DOCK2: variants seen among roughly 807,000 people sequenced by gnomAD.
DOCK2 encodes dedicator of cytokinesis protein 2.
A neutral mutation model predicts 248.9 loss-of-function variants in DOCK2; 87 were observed. The observed-to-expected ratio is 0.35, with a 90% CI of 0.29 to 0.42. The LOEUF is 0.42. Ranked by LOEUF, DOCK2 falls within the 10% of genes least tolerant of loss-of-function variation. The pLI, the probability that DOCK2 is intolerant of heterozygous loss-of-function variation, is 1.00. For synonymous variants in DOCK2, 805 were observed against 821.6 expected (o/e 0.98, Z 0.35); for missense variants, 1,747 against 2,300.2 (o/e 0.76, Z 4.92).
At chr5:169,721,017 C>T (rs1762170963) in intron 22 of DOCK2, among the ~76,000 whole-genome samples, 2 of 152,202 alleles carry the variant, frequency 1.3e-5, no homozygotes, top group Admixed American at 1.3e-4. Context: ...CCACTGCGCC[C>T]AGCCAGTATA....
chr5:169,676,986 G>A (rs964045040), intron 6 of DOCK2, among the ~76,000 whole-genome samples: 25 of 152,180 alleles, frequency 1.6e-4, no homozygotes, highest in African/African-American at 6.0e-4. Context: ...TTAACTCTGT[G>A]AAGTATCAAA....
At chr5:169,815,094 T>G (rs1038313760) in intron 26 of DOCK2, among the ~76,000 whole-genome samples, 2 of 152,194 alleles carry the variant, frequency 1.3e-5, no homozygotes, top group Non-Finnish European at 2.9e-5. Context: ...CAGCCTATAG[T>G]ATTTCACGTG....
intron 27 of DOCK2, among the ~76,000 whole-genome samples, chr5:169,872,876 C>T (rs1443168940): frequency 3.3e-5 from 5 of 152,200 alleles, no homozygotes; most frequent in Admixed American, 3.3e-4. Context: ...AATGTTAATC[C>T]TATCCACATT....
intron 26 of DOCK2, among the ~76,000 whole-genome samples, chr5:169,803,540 A>C (rs1383130902): frequency 6.6e-6 from 1 of 152,204 alleles, no homozygotes; most frequent in Non-Finnish European, 1.5e-5. Context: ...TCCTATGCCT[A>C]GACAGCAAGA....
chr5:169,654,096 ATGTAACATTTTAACTGCCTGG>A (rs1438347623), intron 1 of DOCK2, among the ~76,000 whole-genome samples: 1 of 152,244 alleles, frequency 6.6e-6, no homozygotes, highest in Non-Finnish European at 1.5e-5. Context: ...ATAACAAATG[ATGTAACATTTTAACTGCCTGG>A]TGTACAGTAA....
intron 14 of DOCK2, chr5:169,703,864 A>G (rs530355996): frequency 5.9e-5 from 9 of 152,310 alleles, no homozygotes; most frequent in East Asian, 3.9e-4. Context: ...CTTTTATCCA[A>G]CTTCCCTGGT....
intron 27 of DOCK2, among the ~76,000 whole-genome samples, chr5:169,849,526 C>A (rs1478559357): frequency 1.3e-5 from 2 of 152,192 alleles, no homozygotes; most frequent in Non-Finnish European, 2.9e-5. Flanking sequence ...AATGAGATCA[C>A]CTATGTGGCA....
intron 49 of DOCK2, 104 bp from the exon 50 acceptor site, chr5:170,080,059 A>T: frequency 6.4e-7 from 1 of 1,554,032 alleles, no homozygotes; most frequent in Non-Finnish European, 8.7e-7. Flanking sequence ...GCTTCATAGA[A>T]ACCATGCCAC....
chr5:169,902,814 G>A (rs1359293385), intron 27 of DOCK2, among the ~76,000 whole-genome samples: 2 of 152,180 alleles, frequency 1.3e-5, no homozygotes, highest in East Asian at 1.9e-4. Context: ...AAAGAAAGGG[G>A]TGAGGCCAGG....
Position 170,032,441 on chromosome 5 carries a change from A to G in DOCK2, c.3468-1958A>G, listed in dbSNP as rs539717464. On this transcript the variant is annotated intron_variant, in intron 34 of 51. Coordinates refer to ENST00000520908, the MANE Select transcript of DOCK2 (RefSeq NM_004946.3). Reference sequence around the variant, plus strand: ...CTAAGGTTATTGACCTAAGTTGAGCATTGGGCTTTGTAAAAGCTCCCCTGG... The same window carrying G: ...CTAAGGTTATTGACCTAAGTTGAGCGTTGGGCTTTGTAAAAGCTCCCCTGG... Among the ~76,000 whole-genome samples, 8 of 152,148 alleles carry G rather than the reference A, an allele frequency of 5.3e-5. No individual in the cohort carries two copies. The South Asian group carries it at 1.5e-3, about 28-fold the overall frequency.
intron 21 of DOCK2, among the ~76,000 whole-genome samples, chr5:169,718,260 A>G (rs1199811688): frequency 6.6e-6 from 1 of 152,166 alleles, no homozygotes; most frequent in Non-Finnish European, 1.5e-5. Context: ...CCCTATGGTA[A>G]AGAAGAAACA....
intron 27 of DOCK2, among the ~76,000 whole-genome samples, chr5:169,963,783 C>T (rs1288606763): frequency 1.3e-5 from 2 of 152,178 alleles, no homozygotes; most frequent in Non-Finnish European, 2.9e-5. Flanking sequence ...TACAGATGCT[C>T]TCTAAGGCCC....
chr5:169,994,141 A>T (rs1007950299), intron 29 of DOCK2, among the ~76,000 whole-genome samples: 1 of 152,214 alleles, frequency 6.6e-6, no homozygotes, highest in Admixed American at 6.5e-5. Context: ...TAAGCTTGAG[A>T]TGCCTAAAAG....
At chr5:169,660,539 AC>A (rs1758387322) in intron 2 of DOCK2, among the ~76,000 whole-genome samples, 1 of 152,178 alleles carries the variant, frequency 6.6e-6, no homozygotes, top group Admixed American at 6.5e-5. Context: ...CATATCTATT[AC>A]CACATTGTTG....
chr5:170,052,998 G>A (rs534678951), intron 41 of DOCK2, among the ~76,000 whole-genome samples: 1 of 152,298 alleles, frequency 6.6e-6, no homozygotes, highest in South Asian at 2.1e-4. Flanking sequence ...AGTCTGAGAG[G>A]GTGACAGATC....
intron 27 of DOCK2, among the ~76,000 whole-genome samples, chr5:169,940,381 A>G (rs1427712681): frequency 2.6e-5 from 4 of 152,192 alleles, no homozygotes; most frequent in African/African-American, 7.2e-5. Flanking sequence ...ATGGTCTCCA[A>G]CCTTTTTGGC....
chr5:169,658,979 G>A (rs1758288083), intron 2 of DOCK2, among the ~76,000 whole-genome samples: 1 of 134,428 alleles, frequency 7.4e-6, no homozygotes, highest in Non-Finnish European at 1.6e-5. Context: ...CTACAAGACT[G>A]CATTATTATT....
chr5:169,981,864 G>A (rs1395510420), intron 27 of DOCK2, among the ~76,000 whole-genome samples: 1 of 152,084 alleles, frequency 6.6e-6, no homozygotes, highest in Non-Finnish European at 1.5e-5. Flanking sequence ...GACTACAATA[G>A]AGTGTTAACA....
In DOCK2 at chr5:169,736,108, G is replaced by A. The variant is rs556750846; in HGVS notation, c.2268-11288G>A. ...CCCATGATCCAATCATCTCTCGCCA[G>A]GTCCCTCCCCCAACATTGTAAATTA... On this transcript the variant is annotated intron_variant, in intron 22 of 51. Transcript: ENST00000520908. Among the ~76,000 whole-genome samples the A allele has an allele frequency of 3.9e-5, 6 of 152,296 alleles. No individual in the cohort carries two copies. In the South Asian group the frequency reaches 8.3e-4, roughly 21 times the overall value.
Sources: gnomAD v4.1 joint callset for allele counts (sites outside exome capture counted in the v4.1 genomes callset) on GRCh38, gnomAD v4.1.1 for gene constraint, MANE v1.5 for transcripts, NCBI Gene and HGNC (gene_info 2026-07-23, HGNC 2026-07-21) for gene names.